CNTN5: variants seen among roughly 807,000 people sequenced by gnomAD.
The protein encoded by CNTN5 is contactin 5, also known as contactin-5.
Under a neutral mutation model 129.1 loss-of-function variants are expected in CNTN5, and 77 were observed. That is an observed-to-expected ratio of 0.60 (90% confidence interval 0.50 to 0.72). The LOEUF (loss-of-function observed/expected upper bound fraction) is 0.72. Among genes scored for constraint, CNTN5 ranks in the 30% least tolerant of loss-of-function variants. The pLI is 0.00. For missense variants in CNTN5, 1,478 were observed against 1,328.8 expected, an observed-to-expected ratio of 1.11 and a Z score of -1.75; for synonymous variants, 509 against 465.6, an observed-to-expected ratio of 1.09 and a Z score of -1.20.
At chr11:99,755,628 T>C (rs367959043) in intron 3 of CNTN5, among the ~76,000 whole-genome samples, 1 of 152,110 alleles carries the variant, frequency 6.6e-6, no homozygotes. Context: ...CTTTGTAAGA[T>C]ATGTTTTTGC....
intron 2 of CNTN5, among the ~76,000 whole-genome samples, chr11:99,331,543 C>T (rs895441662): frequency 6.6e-6 from 1 of 151,974 alleles, no homozygotes; most frequent in African/African-American, 2.4e-5. Context: ...AAAGAAAACA[C>T]AATTGTGACA....
chr11:99,725,674 G>C (rs75955623), intron 3 of CNTN5, among the ~76,000 whole-genome samples: 2 of 152,046 alleles, frequency 1.3e-5, no homozygotes, highest in Non-Finnish European at 2.9e-5. Flanking sequence ...TTTATATTTC[G>C]TAAACATATG....
At chr11:99,122,617 T>A (rs1858402342) in intron 1 of CNTN5, among the ~76,000 whole-genome samples, 1 of 151,974 alleles carries the variant, frequency 6.6e-6, no homozygotes, top group Non-Finnish European at 1.5e-5. Context: ...GTCACTGGGG[T>A]TTAGTATACA....
At chr11:99,509,709 A>G (rs1946762239) in intron 2 of CNTN5, among the ~76,000 whole-genome samples, 1 of 152,124 alleles carries the variant, frequency 6.6e-6, no homozygotes, top group Admixed American at 6.5e-5. Flanking sequence ...ACAAAAATGA[A>G]TAAATAAAAA....
intron 1 of CNTN5, chr11:99,049,917 A>T (rs1023454470): frequency 6.6e-6 from 1 of 152,194 alleles, no homozygotes; most frequent in Non-Finnish European, 1.5e-5. Flanking sequence ...TTTCCAATTT[A>T]AAAAGGAAAG....
chr11:99,330,661 T>C (rs1299928986), intron 2 of CNTN5, among the ~76,000 whole-genome samples: 1 of 152,108 alleles, frequency 6.6e-6, no homozygotes, highest in Non-Finnish European at 1.5e-5. Context: ...GCAGCCACAG[T>C]GGCCTCAGAT....
At chr11:99,833,393 G>A (rs1377111661) in intron 4 of CNTN5, among the ~76,000 whole-genome samples, 1 of 152,094 alleles carries the variant, frequency 6.6e-6, no homozygotes, top group African/African-American at 2.4e-5. Context: ...GCATTCAGTA[G>A]AAACCATACT....
chr11:99,922,327 G>T (rs1313322565), intron 7 of CNTN5, among the ~76,000 whole-genome samples: 1 of 152,180 alleles, frequency 6.6e-6, no homozygotes, highest in Non-Finnish European at 1.5e-5. Flanking sequence ...AACACGTAGG[G>T]ATTATGAAAG....
At chr11:99,137,867 G>C (rs4753943) in intron 1 of CNTN5, among the ~76,000 whole-genome samples, 138,045 of 152,004 alleles carry the variant, frequency 0.91, 62,929 homozygotes, top group East Asian at 0.99. Flanking sequence ...TCCCCTGCAA[G>C]TTTAACATTA....
At chr11:99,192,227 G>T (rs1858680838) in intron 1 of CNTN5, among the ~76,000 whole-genome samples, 1 of 151,526 alleles carries the variant, frequency 6.6e-6, no homozygotes, top group Admixed American at 6.6e-5. Context: ...ACAAATAATT[G>T]TAAGAGACTA....
chr11:99,751,849 C>T (rs1177689090), intron 3 of CNTN5, among the ~76,000 whole-genome samples: 3 of 152,182 alleles, frequency 2.0e-5, no homozygotes, highest in East Asian at 3.8e-4. Flanking sequence ...GTCAGGAAGA[C>T]TCCTCCCTTA....
At position 99,991,162 on chromosome 11, in the gene CNTN5, A is replaced by G. The variant is rs564504857; in HGVS notation, c.878-10872A>G. ...TGGTTATGCTTGGCACAATGACGTA[A>G]CAGTCAAAACTCTTCTGGTTACAGG... On this transcript the variant is annotated intron_variant, in intron 8 of 24. Transcript: ENST00000524871. Among the ~76,000 whole-genome samples the G allele has an allele frequency of 3.9e-5, 6 of 152,254 alleles. 1 individual carries two copies. The Middle Eastern group carries it at 0.017, about 432-fold the overall frequency.
chr11:100,182,204 C>G (rs1355705829), intron 13 of CNTN5, among the ~76,000 whole-genome samples: 1 of 151,984 alleles, frequency 6.6e-6, no homozygotes, highest in South Asian at 2.1e-4. Flanking sequence ...TGGGAAAATA[C>G]AGTGTTTTAG....
At chr11:99,138,941 G>A (rs1267429773) in intron 1 of CNTN5, among the ~76,000 whole-genome samples, 2 of 152,224 alleles carry the variant, frequency 1.3e-5, no homozygotes, top group South Asian at 4.1e-4. Flanking sequence ...AAAGAAAGTA[G>A]CAAATAAAAC....
intron 1 of CNTN5, among the ~76,000 whole-genome samples, chr11:99,210,606 C>G (rs1300540253): frequency 2.6e-5 from 4 of 151,898 alleles, no homozygotes; most frequent in African/African-American, 9.7e-5. Flanking sequence ...TTTTGATTTC[C>G]CATTCCCTGG....
At chr11:99,574,762 T>TC (rs1949290107) in intron 3 of CNTN5, among the ~76,000 whole-genome samples, 1 of 149,128 alleles carries the variant, frequency 6.7e-6, no homozygotes, top group Non-Finnish European at 1.5e-5. Flanking sequence ...GGGTTGTTTG[T>TC]TTTTTTTTCC....
At chr11:99,526,145 T>C (rs1037822550) in intron 2 of CNTN5, among the ~76,000 whole-genome samples, 2 of 152,216 alleles carry the variant, frequency 1.3e-5, no homozygotes, top group African/African-American at 4.8e-5. Flanking sequence ...ATTGATACCA[T>C]AGTCTCTGGT....
At chr11:99,268,218 A>C (rs1490886513) in intron 1 of CNTN5, among the ~76,000 whole-genome samples, 3 of 151,996 alleles carry the variant, frequency 2.0e-5, no homozygotes, top group Non-Finnish European at 4.4e-5. Context: ...CAGAATAAAA[A>C]GTAGCTATTA....
intron 14 of CNTN5, among the ~76,000 whole-genome samples, chr11:100,192,427 C>T (rs1948520626): frequency 6.6e-6 from 1 of 151,926 alleles, no homozygotes; most frequent in African/African-American, 2.4e-5. Context: ...ATTCCTGTCC[C>T]AGGATTCCAT....
Sources: allele counts gnomAD v4.1 joint callset (sites outside exome capture counted in the v4.1 genomes callset), GRCh38; gene constraint gnomAD v4.1.1; transcripts MANE v1.5; gene names NCBI Gene and HGNC (gene_info 2026-07-23, HGNC 2026-07-21).